UMODL1: variants seen among roughly 807,000 people sequenced by gnomAD.
UMODL1 encodes uromodulin like 1.
In UMODL1, 128 loss-of-function variants were observed where a neutral mutation model predicts 136.3. That is an observed-to-expected ratio of 0.94 (90% CI 0.81 to 1.09). The LOEUF (loss-of-function observed/expected upper bound fraction) is 1.09, where lower values mean the gene tolerates loss of function less well. Among genes scored for constraint, UMODL1 ranks in the 50% least tolerant of loss-of-function variants. The pLI, the probability that UMODL1 is intolerant of heterozygous loss-of-function variation, is 0.00. For synonymous variants in UMODL1, 721 were observed against 720.0 expected (o/e 1.00, Z -0.02); for missense variants, 1,766 against 1,725.6 (o/e 1.02, Z -0.41).
chr21:42,110,825 G>A, intron 10 of UMODL1, 55 bp from the exon 11 acceptor site: 2 of 1,501,988 alleles, frequency 1.3e-6, no homozygotes, highest in Non-Finnish European at 1.8e-6. Flanking sequence ...TCCTGGGAGG[G>A]CTCTTACTCG....
At chr21:42,116,494 C>T (rs1487704886) in intron 14 of UMODL1, among the ~76,000 whole-genome samples, 5 of 152,214 alleles carry the variant, frequency 3.3e-5, no homozygotes, top group African/African-American at 1.2e-4. Flanking sequence ...CCGGCGAAGA[C>T]ACGGTTAGCA....
At chr21:42,087,813 C>T (rs779178496) in intron 4 of UMODL1, among the ~76,000 whole-genome samples, 7 of 152,244 alleles carry the variant, frequency 4.6e-5, no homozygotes, top group African/African-American at 7.2e-5. Flanking sequence ...ATCAAGGTGT[C>T]GGCAGGGCTG....
rs561597739 is a variant in UMODL1 at position 42,072,668 on chromosome 21, C to G, written c.76+1276C>G. Among the ~76,000 whole-genome samples, 134 of 152,362 alleles carry G rather than the reference C, an allele frequency of 8.8e-4. 1 individual carries two copies. Among genetic ancestry groups the G allele is most frequent in the Non-Finnish European group, 1.7e-3 (116 of 68,032 alleles). ...AGCCTTTTGCAGCCACAGGACATGGCTGTTATTTCACAGATGACAAGAGAG... is the reference window on the plus strand; with the variant it reads ...AGCCTTTTGCAGCCACAGGACATGGGTGTTATTTCACAGATGACAAGAGAG... On this transcript the variant is annotated intron_variant, in intron 1 of 22. Transcript: ENST00000408910.
At chr21:42,107,024 T>C (rs1993364) in intron 9 of UMODL1, among the ~76,000 whole-genome samples, 48,655 of 152,074 alleles carry the variant, frequency 0.32, 8,048 homozygotes, top group African/African-American at 0.4. Context: ...TGAGAGCTCA[T>C]CTAGGAAGGT....
intron 15 of UMODL1, among the ~76,000 whole-genome samples, chr21:42,119,929 C>A (rs1204186682): frequency 6.6e-6 from 1 of 152,082 alleles, no homozygotes; most frequent in Non-Finnish European, 1.5e-5. Context: ...ATAAAGGCAC[C>A]ATTTTAACGC....
At chr21:42,129,299 G>A (rs1245499630) in intron 20 of UMODL1, among the ~76,000 whole-genome samples, 3 of 152,110 alleles carry the variant, frequency 2.0e-5, no homozygotes, top group Non-Finnish European at 4.4e-5. Flanking sequence ...CCATGTCACT[G>A]AGCCAGGCAG....
At chr21:42,120,815 C>T in intron 15 of UMODL1, 1 of 317,790 alleles carries the variant, frequency 3.1e-6, no homozygotes, top group East Asian at 5.3e-5. Flanking sequence ...CTCCCGGGAA[C>T]TGAAGGGATG....
intron 20 of UMODL1, among the ~76,000 whole-genome samples, chr21:42,129,150 T>C (rs2067100965): frequency 6.6e-6 from 1 of 152,120 alleles, no homozygotes; most frequent in Non-Finnish European, 1.5e-5. Flanking sequence ...CATAGTGGAT[T>C]AGGGCCCACC....
chr21:42,122,827 G>A lies in UMODL1; in HGVS notation c.2828-4G>A. On this transcript the variant is annotated splice_polypyrimidine_tract_variant and splice_region_variant and intron_variant, in intron 16 of 22. Transcript: ENST00000408910. This position sits in a 1 kb window ranked among gnomAD's most constrained non-coding sequence, Gnocchi z 4.3. ...CTTTGCCTTTTCCTCCTTGTGCCTTGCAGGTGACTCTCCTGGCAATGAAAC... is the reference window on the plus strand; with the variant it reads ...CTTTGCCTTTTCCTCCTTGTGCCTTACAGGTGACTCTCCTGGCAATGAAAC... The A allele has an allele frequency of 6.3e-7, 1 of 1,588,348 alleles. No individual in the cohort carries two copies. Among genetic ancestry groups the A allele is most frequent in the South Asian group, 1.1e-5 (1 of 88,046 alleles).
At chr21:42,109,759 G>A in intron 10 of UMODL1, 60 bp downstream of exon 10, 1 of 1,575,582 alleles carries the variant, frequency 6.3e-7, no homozygotes, top group Non-Finnish European at 8.6e-7. Context: ...TCTGGGGGTG[G>A]GGCAAAGCCC....
chr21:42,134,416 C>A (rs1379228094), intron 21 of UMODL1, among the ~76,000 whole-genome samples: 1 of 152,088 alleles, frequency 6.6e-6, no homozygotes, highest in Non-Finnish European at 1.5e-5. Flanking sequence ...TGTCCCTGTG[C>A]TAAAAGGCCA....
Position 42,117,650 on chromosome 21 carries a change from G to T in UMODL1, c.2476-1461G>T, listed in dbSNP as rs1200823699. On this transcript the variant is annotated intron_variant, in intron 14 of 22. Coordinates refer to ENST00000408910, the MANE Select transcript of UMODL1 (RefSeq NM_001004416.3). The stretch of plus-strand genomic sequence containing the variant: ...CCTGTCGTGGTAATACCGTAGCAGG[G>T]CTGCAAACCCCAGCGCTTCCCCCAC... 5.9e-5 allele frequency among the ~76,000 whole-genome samples: 9 copies of T among 152,206 alleles called. 1 individual carries two copies. Among genetic ancestry groups the T allele is most frequent in the Admixed American group, 5.9e-4 (9 of 15,282 alleles).
rs1007413651 is a variant in UMODL1, at chr21:42,088,566, C to T, written c.790+86C>T. The T allele has an allele frequency of 1.3e-5, 17 of 1,347,542 alleles. No homozygotes were observed. In the South Asian group the frequency reaches 2.5e-4, roughly 20 times the overall value. The allele number at this position is 1,347,542 out of a possible 1,614,324, so 83.5% of individuals were successfully genotyped here. On this transcript the variant is annotated intron_variant, in intron 5 of 22. Transcript: ENST00000408910. ...ATGCAAGGTGGACGCTAAAGCCAGACCAGTCCTTTGTCTTTTAAAGGAGGT... is the reference window on the plus strand; with the variant it reads ...ATGCAAGGTGGACGCTAAAGCCAGATCAGTCCTTTGTCTTTTAAAGGAGGT...
rs553507281 is a variant in UMODL1 at position 42,098,637 on chromosome 21, G to A, written c.932-289G>A. On this transcript the variant is annotated intron_variant, in intron 6 of 22. Transcript: ENST00000408910. ...CAAAAAATTAGCCGGGCGTGGTGGCGAGTGCCTGTAATCCCAGCTACTCGG... is the reference window on the plus strand; with the variant it reads ...CAAAAAATTAGCCGGGCGTGGTGGCAAGTGCCTGTAATCCCAGCTACTCGG... 3.9e-5 allele frequency among the ~76,000 whole-genome samples: 6 copies of A among 152,194 alleles called. No homozygotes were observed. In the South Asian group the frequency reaches 1.0e-3, roughly 26 times the overall value.
At position 42,127,734 on chromosome 21, in the gene UMODL1, T is replaced by A. The variant is rs1184131703; in HGVS notation, c.3593T>A (p.Phe1198Tyr). ...IENGNSNKAQ[F>Y]KLRIFSFIND... is the part of the protein sequence containing the mutation. Reference sequence around the variant, plus strand: ...AACGGCAACTCCAATAAGGCCCAGTTCAAGCTGAGGATCTTTTCCTTTATC... The same window carrying A: ...AACGGCAACTCCAATAAGGCCCAGTACAAGCTGAGGATCTTTTCCTTTATC... The change falls in exon 20 of 23, where the codon TTC becomes TAC. Residue 1198 changes from phenylalanine to tyrosine, a missense_variant. Phe to Tyr is a conservative substitution (Grantham distance 22). Transcript: ENST00000408910. 3 of 1,614,166 alleles carry A rather than the reference T, an allele frequency of 1.9e-6. No homozygotes were observed. Among genetic ancestry groups the A allele is most frequent in the African/African-American group, 1.3e-5 (1 of 75,038 alleles).
At position 42,099,619 on chromosome 21, in the gene UMODL1, G is replaced by A. The variant is rs534583052; in HGVS notation, c.1186+439G>A. 3.9e-5 allele frequency among the ~76,000 whole-genome samples: 6 copies of A among 152,292 alleles called. No individual in the cohort carries two copies. The highest frequency in any genetic ancestry group is 2.1e-4 in the South Asian group (1 of 4,822). On this transcript the variant is annotated intron_variant, in intron 7 of 22. Transcript: ENST00000408910. The surrounding 1 kb of genome is among the most constrained non-coding windows in gnomAD (Gnocchi z 4.1). Reference sequence around the variant, plus strand: ...AGGGGAGCATCGCTGACGTTTTCACGCCTTGCTTCACTCATGATGCATGTA... The same window carrying A: ...AGGGGAGCATCGCTGACGTTTTCACACCTTGCTTCACTCATGATGCATGTA...
Position 42,121,088 on chromosome 21 carries a change from T to G in UMODL1, c.2691T>G (p.Asp897Glu), listed in dbSNP as rs191800349. ...TTTTGTCTTCTAAATGTTGTGCAGA[T>G]TACGATGAGTGTGAAAGGAAGGAGG... ...EVIRGDTFIQ[D>E]YDECERKEDD... Residue 897 changes from aspartate to glutamate, a missense_variant and splice_region_variant, in exon 16 of 23, where the codon GAT (aspartate) becomes GAG (glutamate). By Grantham distance (45) the Asp-to-Glu change is conservative. Coordinates refer to ENST00000408910, the MANE Select transcript of UMODL1 (RefSeq NM_001004416.3). 665 of 1,612,670 alleles carry G rather than the reference T, an allele frequency of 4.1e-4. No individual in the cohort carries two copies. Among genetic ancestry groups the G allele is most frequent in the Non-Finnish European group, 5.3e-4 (620 of 1,179,354 alleles).
chr21:42,101,082 A>G (rs2066625095), intron 7 of UMODL1, among the ~76,000 whole-genome samples: 1 of 151,248 alleles, frequency 6.6e-6, no homozygotes, highest in African/African-American at 2.4e-5. Context: ...TTCCTTTTCC[A>G]GATTATAAAA....
chr21:42,084,321 T>TGG, intron 3 of UMODL1, 76 bp downstream of exon 3: 1 of 1,484,182 alleles, frequency 6.7e-7, no homozygotes, highest in South Asian at 1.3e-5. Flanking sequence ...TGTGAAGGTG[T>TGG]GGGGGGGAGT....
Sources: allele counts gnomAD v4.1 joint callset (sites outside exome capture counted in the v4.1 genomes callset), GRCh38; gene constraint gnomAD v4.1.1; non-coding constraint Gnocchi (gnomAD v3.1); transcripts MANE v1.5; gene names NCBI Gene and HGNC (gene_info 2026-07-23, HGNC 2026-07-21).